The following PTBP2 variants were observed in gnomAD, a reference collection of about 807,000 sequenced individuals.
PTBP2 encodes the protein polypyrimidine tract-binding protein 2.
A neutral mutation model predicts 61.4 loss-of-function variants in PTBP2; 13 were observed. That is an observed-to-expected ratio of 0.21 (90% CI 0.14 to 0.34). The LOEUF (loss-of-function observed/expected upper bound fraction) is 0.34, where lower values mean the gene tolerates loss of function less well. Among genes scored for constraint, PTBP2 ranks in the 10% least tolerant of loss-of-function variants. The probability of loss-of-function intolerance (pLI) is 1.00; values close to 1 mark genes in which losing one functional copy is unlikely to be tolerated. For synonymous variants in PTBP2, 215 were observed against 218.5 expected (o/e 0.98, Z 0.14); for missense variants, 405 against 642.6 (o/e 0.63, Z 4.00).
chr1:96,770,343 C>T (rs1038501811), intron 4 of PTBP2, among the ~76,000 whole-genome samples: 1 of 151,970 alleles, frequency 6.6e-6, no homozygotes, highest in Non-Finnish European at 1.5e-5. Flanking sequence ...TTCTTTGTCT[C>T]TATATAATTA....
At chr1:96,745,624 C>G (rs556263472) in intron 2 of PTBP2, among the ~76,000 whole-genome samples, 1 of 151,694 alleles carries the variant, frequency 6.6e-6, no homozygotes, top group Admixed American at 6.6e-5. Context: ...TTTTCCATGT[C>G]TTGTGTTTTA....
rs191706721 is a variant in PTBP2, at chr1:96,780,617, C to T, written c.708+2671C>T. ...TTTCTTCCTGGTCTCTGATACTTCT[C>T]ACCTGGATTTATCCTACCTCTCTAT... On this transcript the variant is annotated intron_variant, in intron 7 of 13. Coordinates refer to ENST00000674951, the MANE Select transcript of PTBP2 (RefSeq NM_021190.4). 9.9e-4 allele frequency among the ~76,000 whole-genome samples: 150 copies of T among 152,158 alleles called. No homozygotes were observed. In the South Asian group the frequency reaches 0.015, roughly 15 times the overall value.
intron 8 of PTBP2, among the ~76,000 whole-genome samples, chr1:96,802,210 C>CA (rs1557771395): frequency 2.2e-5 from 1 of 46,350 alleles, no homozygotes; most frequent in African/African-American, 5.6e-5. Flanking sequence ...GACTCCGTCT[C>CA]GAAAAAAAAA....
chr1:96,775,900 G>C (rs1046584039), intron 5 of PTBP2, among the ~76,000 whole-genome samples: 3 of 151,884 alleles, frequency 2.0e-5, no homozygotes, highest in African/African-American at 4.8e-5. Flanking sequence ...TTAAATAAAA[G>C]TATGAATAGT....
intron 8 of PTBP2, among the ~76,000 whole-genome samples, chr1:96,790,405 C>A (rs1304264705): frequency 1.3e-5 from 2 of 151,664 alleles, no homozygotes; most frequent in Non-Finnish European, 2.9e-5. Flanking sequence ...ACATTCTGAT[C>A]CTTTCGTTAC....
intron 2 of PTBP2, among the ~76,000 whole-genome samples, chr1:96,745,981 G>A (rs774646519): frequency 3.3e-5 from 5 of 151,590 alleles, no homozygotes; most frequent in African/African-American, 9.7e-5. Flanking sequence ...CAGGAGAATC[G>A]CTTGAACCCA....
At chr1:96,754,236 C>T (rs568426072) in intron 3 of PTBP2, among the ~76,000 whole-genome samples, 130 of 152,216 alleles carry the variant, frequency 8.5e-4, no homozygotes, top group South Asian at 2.1e-3. Context: ...AATGGCATAA[C>T]TTGGCTCTAC....
At chr1:96,770,494 C>G (rs964196276) in intron 4 of PTBP2, among the ~76,000 whole-genome samples, 1 of 151,872 alleles carries the variant, frequency 6.6e-6, no homozygotes, top group African/African-American at 2.4e-5. Context: ...AGGTGGAAGG[C>G]AGAAGCAGCG....
chr1:96,772,001 C>T (rs934319047), intron 5 of PTBP2, among the ~76,000 whole-genome samples: 10 of 152,074 alleles, frequency 6.6e-5, no homozygotes, highest in African/African-American at 2.2e-4. Flanking sequence ...TTTTTTTCCA[C>T]GCCAAGCAAG....
intron 3 of PTBP2, among the ~76,000 whole-genome samples, chr1:96,754,575 A>G (rs1222880961): frequency 6.6e-6 from 1 of 152,222 alleles, no homozygotes; most frequent in African/African-American, 2.4e-5. Context: ...CAATAGAGGA[A>G]AAATTGGAGC....
At position 96,802,494 on chromosome 1, in the gene PTBP2, AT is replaced by A. The variant is rs897036881; in HGVS notation, c.905-2300del. ...AACTAATTATAATTCCTCAGTTAAG[AT>A]TTTTTGGCTTAGTGGGCCCTTAGAA... On this transcript the variant is annotated intron_variant, in intron 8 of 13. Coordinates refer to ENST00000674951, the MANE Select transcript of PTBP2 (RefSeq NM_021190.4). Among the ~76,000 whole-genome samples, 5 of 152,164 alleles carry A rather than the reference AT, an allele frequency of 3.3e-5. No homozygotes were observed. In the South Asian group the frequency reaches 1.0e-3, roughly 32 times the overall value.
chr1:96,723,425 G>T, intron 1 of PTBP2, 139 bp from the exon 2 acceptor site: 1 of 593,544 alleles, frequency 1.7e-6, no homozygotes. Flanking sequence ...CGGATCATCT[G>T]TGGTATTTTT....
chr1:96,765,022 A>G (rs1656507336), intron 3 of PTBP2, among the ~76,000 whole-genome samples: 3 of 152,202 alleles, frequency 2.0e-5, no homozygotes, highest in South Asian at 4.1e-4. Context: ...AGTACCACCT[A>G]TCTGCACCTA....
Position 96,777,920 on chromosome 1 carries a change from C to A in PTBP2, c.682C>A (p.Pro228Thr). Residue 228 changes from proline to threonine, a missense_variant, in exon 7 of 14, where the codon CCA (proline) becomes ACA (threonine). Physicochemically the swap from Pro to Thr is conservative, Grantham distance 38. This residue lies in a region of PTBP2 where 342 missense variants were observed against 491.2 expected (regional missense o/e 0.70). Transcript: ENST00000674951. ...TCAAGCTTTGCTCCAGTATGGTGAT[C>A]CAGTAAATGCTCAACAAGCAAAACT... ...QFQALLQYGD[P>T]VNAQQAKLAL... The A allele has an allele frequency of 6.4e-7, 1 of 1,574,366 alleles. No homozygotes were observed. Among genetic ancestry groups the A allele is most frequent in the South Asian group, 1.2e-5 (1 of 81,516 alleles).
intron 5 of PTBP2, among the ~76,000 whole-genome samples, chr1:96,775,786 C>A (rs1657966477): frequency 6.6e-6 from 1 of 151,670 alleles, no homozygotes; most frequent in Admixed American, 6.6e-5. Context: ...TATATGAAGT[C>A]ATTAAAAATG....
rs1330186450 is a variant in PTBP2 at position 96,806,961 on chromosome 1, A to G, written c.1171+3A>G. The G allele has an allele frequency of 1.3e-6, 2 of 1,594,658 alleles. No individual in the cohort carries two copies. Among genetic ancestry groups the G allele is most frequent in the East Asian group, 2.2e-5 (1 of 44,514 alleles). On this transcript the variant is annotated splice_donor_region_variant and intron_variant, in intron 11 of 13. Transcript: ENST00000674951. The stretch of plus-strand genomic sequence containing the variant: ...TGATGGAAACCAATCACAACTTGGT[A>G]AGATTAAACTATGTTTTATCTATAC...
chr1:96,768,182 G>T (rs1656957028), intron 3 of PTBP2, among the ~76,000 whole-genome samples: 2 of 151,994 alleles, frequency 1.3e-5, no homozygotes, highest in African/African-American at 4.8e-5. Context: ...AAAGTATCTG[G>T]TTCAGGTACT....
chr1:96,807,027 A>G, intron 11 of PTBP2, 69 bp downstream of exon 11: 2 of 1,199,620 alleles, frequency 1.7e-6, no homozygotes, highest in Non-Finnish European at 1.2e-6. Context: ...TGAATGTGCG[A>G]ATAAAAATAA....
intron 3 of PTBP2, among the ~76,000 whole-genome samples, chr1:96,763,689 A>G (rs1317012828): frequency 6.6e-6 from 1 of 152,050 alleles, no homozygotes; most frequent in Non-Finnish European, 1.5e-5. Context: ...TTCATGACCA[A>G]GGAATCAATC....
Sources: gnomAD v4.1 joint callset for allele counts (sites outside exome capture counted in the v4.1 genomes callset) on GRCh38, gnomAD v4.1.1 for gene constraint, gnomAD v4.1.1 regional missense constraint, MANE v1.5 for transcripts, NCBI Gene and HGNC (gene_info 2026-07-23, HGNC 2026-07-21) for gene names.